The following MARCHF2 variants were observed in gnomAD, a reference collection of about 807,000 sequenced individuals.
MARCHF2 encodes the protein membrane associated ring-CH-type finger 2.
MARCHF2 carries 22 observed loss-of-function variants against 24.0 expected under a neutral mutation model. The observed-to-expected ratio is 0.92, with a 90% CI of 0.66 to 1.31. The LOEUF (loss-of-function observed/expected upper bound fraction) is 1.31. MARCHF2 is among the 50% of genes most tolerant of loss of function. MARCHF2 has a pLI of 0.00. For synonymous variants in MARCHF2, 154 were observed against 153.0 expected, an observed-to-expected ratio of 1.01 and a Z score of -0.05; for missense variants, 301 against 335.3, an observed-to-expected ratio of 0.90 and a Z score of 0.80.
At position 8,438,615 on chromosome 19, in the gene MARCHF2, G is replaced by GACTTCCACTTCAACACTTCCACTTCAAC; in HGVS notation, c.*71_*98dup. 1.3e-6 allele frequency: 2 copies of GACTTCCACTTCAACACTTCCACTTCAAC among 1,518,148 alleles called. No individual in the cohort carries two copies. Among genetic ancestry groups the GACTTCCACTTCAACACTTCCACTTCAAC allele is most frequent in the South Asian group, 1.2e-5 (1 of 83,198 alleles). The allele number at this position is 1,518,148 out of a possible 1,614,324, so 94.0% of individuals were successfully genotyped here. On this transcript the variant is annotated 3_prime_UTR_variant, in exon 5 of 5. Transcript: ENST00000215555. ...CTGGTGATACCCTGTCCTGTGGAAG[G>GACTTCCACTTCAACACTTCCACTTCAAC]ACTTCCACTTCAACACTTCCACTTC...
At chr19:8,418,584 G>C (rs1967145138) in intron 1 of MARCHF2, 1 of 152,572 alleles carries the variant, frequency 6.6e-6, no homozygotes, top group African/African-American at 2.4e-5. Context: ...GAGTGCAGTG[G>C]TGTGATCATA....
intron 1 of MARCHF2, among the ~76,000 whole-genome samples, chr19:8,414,674 T>C (rs1237982508): frequency 2.0e-5 from 3 of 152,058 alleles, no homozygotes; most frequent in Non-Finnish European, 4.4e-5. Context: ...CTCTGATTCC[T>C]CTGCCCTCTG....
chr19:8,432,636 A>T (rs899282189), intron 4 of MARCHF2, among the ~76,000 whole-genome samples: 1 of 152,050 alleles, frequency 6.6e-6, no homozygotes, highest in East Asian at 1.9e-4. Context: ...AAAAAATTTT[A>T]AAAAATTAGC....
chr19:8,420,927 T>G (rs1219593237), intron 1 of MARCHF2, among the ~76,000 whole-genome samples: 3 of 152,050 alleles, frequency 2.0e-5, no homozygotes, highest in Non-Finnish European at 4.4e-5. Context: ...GAATCCAAAG[T>G]GCTGGGATTA....
chr19:8,423,312 G>A (rs1297629751), intron 2 of MARCHF2: 3 of 149,446 alleles, frequency 2.0e-5, no homozygotes, highest in East Asian at 4.0e-4. Context: ...CACCCACCTC[G>A]GCCTCCCAAA....
chr19:8,418,530 G>A (rs980556802), intron 1 of MARCHF2: 2 of 153,220 alleles, frequency 1.3e-5, no homozygotes, highest in African/African-American at 4.8e-5. Context: ...CTTTTGTTCT[G>A]TTTTAGAGAC....
rs141575423 is a variant in MARCHF2, at chr19:8,415,059, C to T, written c.-53+1639C>T. Among the ~76,000 whole-genome samples, 499 of 152,280 alleles carry T rather than the reference C, an allele frequency of 3.3e-3. 6 individuals are homozygous for T. The highest frequency in any genetic ancestry group is 0.015 in the South Asian group (71 of 4,832). The stretch of plus-strand genomic sequence containing the variant: ...CCTCTCTCCGAGCTTCAGCCTCTTT[C>T]CCCATCATAGGGTGTAATTATTGGT... On this transcript the variant is annotated intron_variant, in intron 1 of 4. Coordinates refer to ENST00000215555, the MANE Select transcript of MARCHF2 (RefSeq NM_001005415.2).
At chr19:8,418,355 CAGA>C (rs1271555264) in intron 1 of MARCHF2, 1 of 152,298 alleles carries the variant, frequency 6.6e-6, no homozygotes, top group Non-Finnish European at 1.5e-5. Context: ...CTATGATGCT[CAGA>C]AGAACATGTG....
intron 1 of MARCHF2, among the ~76,000 whole-genome samples, chr19:8,421,194 C>T (rs1187617058): frequency 1.3e-5 from 2 of 150,338 alleles, no homozygotes; most frequent in Non-Finnish European, 3.0e-5. Flanking sequence ...GTGATCTCGG[C>T]TCACTGTAAC....
intron 4 of MARCHF2, among the ~76,000 whole-genome samples, chr19:8,435,570 G>A (rs1471625738): frequency 1.3e-5 from 2 of 152,084 alleles, no homozygotes; most frequent in African/African-American, 4.8e-5. Flanking sequence ...ATGGTATCTC[G>A]CCCTGTCTCT....
intron 3 of MARCHF2, among the ~76,000 whole-genome samples, chr19:8,427,386 A>G (rs1224973658): frequency 6.6e-6 from 1 of 151,780 alleles, no homozygotes; most frequent in African/African-American, 2.4e-5. Context: ...GGGCACCTCC[A>G]GCATGCCCAG....
chr19:8,421,191 C>T (rs1386511059), intron 1 of MARCHF2, among the ~76,000 whole-genome samples: 2 of 149,914 alleles, frequency 1.3e-5, no homozygotes, highest in East Asian at 2.0e-4. Flanking sequence ...GGCGTGATCT[C>T]GGCTCACTGT....
chr19:8,425,085 A>C (rs776776415), intron 2 of MARCHF2, among the ~76,000 whole-genome samples: 1 of 151,890 alleles, frequency 6.6e-6, no homozygotes, highest in African/African-American at 2.4e-5. Flanking sequence ...TCTTTAAAAA[A>C]AATTTTGGGA....
Position 8,430,540 on chromosome 19 carries a change from A to AG in MARCHF2, c.373-118_373-117insG. ...ACAGAGTGAGAATCTGTCTCAAAAA[A>AG]AAAAAAAAGAAAGAAGGAAAGGACA... On this transcript the variant is annotated intron_variant, in intron 3 of 4. Transcript: ENST00000215555. This position sits in a 1 kb window ranked among gnomAD's most constrained non-coding sequence, Gnocchi z 4.4. The AG allele has an allele frequency of 1.3e-6, 1 of 781,180 alleles. No individual in the cohort carries two copies. Among genetic ancestry groups the AG allele is most frequent in the East Asian group, 2.6e-5 (1 of 37,876 alleles). 48.4% of individuals were successfully genotyped at this position (781,180 alleles called of 1,614,324 possible).
intron 4 of MARCHF2, among the ~76,000 whole-genome samples, chr19:8,433,863 C>G (rs1205262470): frequency 6.8e-6 from 1 of 148,026 alleles, no homozygotes; most frequent in African/African-American, 2.5e-5. Flanking sequence ...CAGAATAAGA[C>G]TCTGTCTCAA....
intron 4 of MARCHF2, among the ~76,000 whole-genome samples, chr19:8,437,170 A>G (rs1332452193): frequency 1.3e-5 from 2 of 151,516 alleles, no homozygotes; most frequent in African/African-American, 4.9e-5. Flanking sequence ...GGTAGAGACA[A>G]GGTCTCGCTA....
intron 1 of MARCHF2, among the ~76,000 whole-genome samples, chr19:8,414,233 T>C (rs1967020332): frequency 6.6e-6 from 1 of 152,192 alleles, no homozygotes; most frequent in African/African-American, 2.4e-5. Flanking sequence ...AACTTCTTAA[T>C]TTTTTACTAA....
intron 1 of MARCHF2, among the ~76,000 whole-genome samples, chr19:8,415,068 A>G (rs544303627): frequency 6.6e-6 from 1 of 152,272 alleles, no homozygotes; most frequent in East Asian, 1.9e-4. Flanking sequence ...TCCCCATCAT[A>G]GGGTGTAATT....
At chr19:8,426,937 G>A in intron 3 of MARCHF2, 133 bp downstream of exon 3, 6 of 752,134 alleles carry the variant, frequency 8.0e-6, no homozygotes, top group Non-Finnish European at 1.1e-5. Flanking sequence ...TCCACCAGGT[G>A]GGTCTGCTGA....
Sources: allele counts gnomAD v4.1 joint callset (sites outside exome capture counted in the v4.1 genomes callset), GRCh38; gene constraint gnomAD v4.1.1; non-coding constraint Gnocchi (gnomAD v3.1); transcripts MANE v1.5; gene names NCBI Gene and HGNC (gene_info 2026-07-23, HGNC 2026-07-21).